The following TRIP11 variants were observed in gnomAD, a reference collection of about 807,000 sequenced individuals.
TRIP11 encodes thyroid hormone receptor interactor 11.
TRIP11 carries 148 observed loss-of-function variants against 223.1 expected under a neutral mutation model. That is an observed-to-expected ratio of 0.66 (90% CI 0.58 to 0.76). The LOEUF (loss-of-function observed/expected upper bound fraction) is 0.76. Ranked by LOEUF, TRIP11 falls within the 30% of genes least tolerant of loss-of-function variation. The pLI is 0.00. For synonymous variants in TRIP11, 762 were observed against 772.6 expected (o/e 0.99, Z 0.23); for missense variants, 2,043 against 2,222.0 (o/e 0.92, Z 1.62).
At chr14:92,025,150 T>C (rs1595406090) in intron 3 of TRIP11, among the ~76,000 whole-genome samples, 160 bp downstream of exon 3, 1 of 152,188 alleles carries the variant, frequency 6.6e-6, no homozygotes, top group East Asian at 1.9e-4. Context: ...ACAAAGTTCT[T>C]ATTAAATAAG....
At position 92,004,265 on chromosome 14, in the gene TRIP11, G is replaced by A. The variant is rs200312566; in HGVS notation, c.3711C>T (p.His1237=). ...QVMTTVQNMQ[H]ESAQLQEELH... ...GCTCTTCCTGAAGCTGGGCTGACTC[G>A]TGTTGCATATTTTGTACTGTGGTCA... The change falls in exon 11 of 21, where the codon CAC becomes CAT. Residue 1237 remains histidine (H), a synonymous_variant. Coordinates refer to ENST00000267622, the MANE Select transcript of TRIP11 (RefSeq NM_004239.4). 6 of 1,614,054 alleles carry A rather than the reference G, an allele frequency of 3.7e-6. No homozygotes were observed. Among genetic ancestry groups the A allele is most frequent in the Non-Finnish European group, 4.2e-6 (5 of 1,180,026 alleles).
chr14:92,004,002 T>A lies in TRIP11; in HGVS notation c.3974A>T (p.Gln1325Leu), dbSNP rs1487572332. Reference protein sequence around the residue: ...QLSSASLLTPQSAECLRASKS... With the variant: ...QLSSASLLTPLSAECLRASKS... Reference sequence around the variant, plus strand: ...ACTTGCTCTAAGACACTCTGCAGACTGGGGAGTAAGCAATGATGCAGAAGA... The same window carrying A: ...ACTTGCTCTAAGACACTCTGCAGACAGGGGAGTAAGCAATGATGCAGAAGA... Residue 1325 changes from glutamine (Q) to leucine (L), a missense_variant, in exon 11 of 21, where the codon CAG becomes CTG. Transcript: ENST00000267622. The A allele has an allele frequency of 1.2e-6, 2 of 1,614,170 alleles. No individual in the cohort carries two copies. The highest frequency in any genetic ancestry group is 1.7e-5 in the Admixed American group (1 of 60,028).
chr14:92,013,721 CT>C (rs2057002040), intron 7 of TRIP11, among the ~76,000 whole-genome samples: 1 of 152,002 alleles, frequency 6.6e-6, no homozygotes, highest in Non-Finnish European at 1.5e-5. Flanking sequence ...AATAAGTAAA[CT>C]TATTTTTTAA....
intron 2 of TRIP11, among the ~76,000 whole-genome samples, chr14:92,029,129 T>G (rs1176740522): frequency 6.6e-6 from 1 of 152,106 alleles, no homozygotes; most frequent in Admixed American, 6.6e-5. Flanking sequence ...GCTCTTTTAC[T>G]ATCATGGGAA....
In TRIP11 at chr14:92,014,632, G is replaced by A. The variant is rs1277895416; in HGVS notation, c.824-55C>T. 6.4e-6 allele frequency: 10 copies of A among 1,553,212 alleles called. No homozygotes were observed. The East Asian group carries it at 1.8e-4, about 28-fold the overall frequency. Reference sequence around the variant, plus strand: ...AAATGTCAAGTACCAAGAAATAAACGGTTTGCTATATACAACTAAGAGATA... The same window carrying A: ...AAATGTCAAGTACCAAGAAATAAACAGTTTGCTATATACAACTAAGAGATA... On this transcript the variant is annotated intron_variant, in intron 6 of 20. Coordinates refer to ENST00000267622, the MANE Select transcript of TRIP11 (RefSeq NM_004239.4).
intron 7 of TRIP11, among the ~76,000 whole-genome samples, chr14:92,012,625 C>T (rs1320194222): frequency 3.3e-5 from 5 of 151,962 alleles, no homozygotes; most frequent in South Asian, 2.1e-4. Flanking sequence ...TACTGAGAGT[C>T]GGCTAAAAGA....
Position 92,034,131 on chromosome 14 carries a change from G to C in TRIP11, c.140-878C>G, listed in dbSNP as rs1442794512. ...TCCTTGAAATGCATGAGGCTAGAAAGGGAGCTGGAGGTCAGGTACGGTGGC... is the reference window on the plus strand; with the variant it reads ...TCCTTGAAATGCATGAGGCTAGAAACGGAGCTGGAGGTCAGGTACGGTGGC... On this transcript the variant is annotated intron_variant, in intron 1 of 20. Coordinates refer to ENST00000267622, the MANE Select transcript of TRIP11 (RefSeq NM_004239.4). Among the ~76,000 whole-genome samples the C allele has an allele frequency of 2.0e-5, 3 of 152,138 alleles. No individual in the cohort carries two copies. In the East Asian group the frequency reaches 5.8e-4, roughly 29 times the overall value.
chr14:92,015,387 A>G (rs1055342531), intron 6 of TRIP11, among the ~76,000 whole-genome samples: 1 of 152,014 alleles, frequency 6.6e-6, no homozygotes, highest in African/African-American at 2.4e-5. Context: ...GGCCAGGTGC[A>G]GTGGCTCATG....
intron 1 of TRIP11, 46 bp downstream of exon 1, chr14:92,039,501 C>T: frequency 6.2e-7 from 1 of 1,607,194 alleles, no homozygotes; most frequent in Non-Finnish European, 8.5e-7. Flanking sequence ...AACGGACGTT[C>T]CCAGGGTCTT....
chr14:91,993,804 C>T lies in TRIP11; in HGVS notation c.5160+5G>A. ...AACCTACAAGAGAAAACTATTTTGT[C>T]CTACCTGTAATGATATCACTTTTCC... On this transcript the variant is annotated splice_donor_5th_base_variant and intron_variant, in intron 15 of 20. Coordinates refer to ENST00000267622, the MANE Select transcript of TRIP11 (RefSeq NM_004239.4). 6.2e-7 allele frequency: 1 copy of T among 1,606,076 alleles called. No homozygotes were observed. The highest frequency in any genetic ancestry group is 2.2e-5 in the East Asian group (1 of 44,738).
intron 7 of TRIP11, 77 bp from the exon 8 acceptor site, chr14:92,011,872 G>T: frequency 7.3e-7 from 1 of 1,374,874 alleles, no homozygotes; most frequent in South Asian, 1.2e-5. Context: ...ACTCAGAAAT[G>T]CAACCCAATT....
chr14:92,004,858 T>C lies in TRIP11; in HGVS notation c.3118A>G (p.Ile1040Val), dbSNP rs34805848. ...LEIKLLNEKN[I>V]SLTKQIDQLS... ...TGATCAATCTGTTTAGTTAAAGATA[T>C]ATTCTTTTCATTTAGAAGTTTAATC... The change falls in exon 11 of 21, where the codon ATA (isoleucine) becomes GTA (valine). Residue 1040 changes from isoleucine to valine, a missense_variant. Physicochemically the swap from Ile to Val is conservative, Grantham distance 29. Transcript: ENST00000267622. 2.1e-3 allele frequency: 3,373 copies of C among 1,613,892 alleles called. 38 individuals are homozygous for C. The African/African-American group carries it at 0.038, about 18-fold the overall frequency.
At chr14:92,008,593 G>A (rs943898420) in intron 9 of TRIP11, among the ~76,000 whole-genome samples, 3 of 152,106 alleles carry the variant, frequency 2.0e-5, no homozygotes, top group Non-Finnish European at 2.9e-5. Flanking sequence ...AGTTCTCTAT[G>A]CTTCAACATT....
chr14:92,007,505 T>G (rs1311267583), intron 10 of TRIP11, 135 bp downstream of exon 10: 19 of 918,950 alleles, frequency 2.1e-5, no homozygotes, highest in Non-Finnish European at 2.6e-5. Flanking sequence ...GCCAATGATA[T>G]TTACTATCTA....
intron 2 of TRIP11, among the ~76,000 whole-genome samples, chr14:92,031,619 C>T (rs2057266223): frequency 6.6e-6 from 1 of 152,080 alleles, no homozygotes; most frequent in African/African-American, 2.4e-5. Context: ...TAATAATAAC[C>T]TGAAATCTAT....
intron 13 of TRIP11, among the ~76,000 whole-genome samples, chr14:91,998,602 G>T (rs1353517868): frequency 6.6e-6 from 1 of 151,388 alleles, no homozygotes; most frequent in East Asian, 1.9e-4. Context: ...AGTATAAAAA[G>T]GCACACAAAA....
rs977623236 is a variant in TRIP11 at position 92,033,335 on chromosome 14, C to T, written c.140-82G>A. The stretch of plus-strand genomic sequence containing the variant: ...TAGGTATTTTCAAGAAAATATATTT[C>T]ACTGAGTTTACACAGAATAGTAGGC... On this transcript the variant is annotated intron_variant, in intron 1 of 20. Transcript: ENST00000267622. The T allele has an allele frequency of 5.4e-6, 6 of 1,119,098 alleles. No individual in the cohort carries two copies. In the African/African-American group the frequency reaches 6.2e-5, roughly 12 times the overall value. 69.3% of individuals were successfully genotyped at this position (1,119,098 alleles called of 1,614,324 possible).
In TRIP11 at chr14:92,004,372, T is replaced by G. The variant is rs41301481; in HGVS notation, c.3604A>C (p.Asn1202His). 3.1e-3 allele frequency: 4,954 copies of G among 1,614,126 alleles called. 15 individuals are homozygous for G. The highest frequency in any genetic ancestry group is 3.7e-3 in the Non-Finnish European group (4,341 of 1,180,022). Residue 1202 changes from asparagine to histidine, a missense_variant, in exon 11 of 21, where the codon AAT (asparagine) becomes CAT (histidine). Coordinates refer to ENST00000267622, the MANE Select transcript of TRIP11 (RefSeq NM_004239.4). ...TGNEAGGVNS[N>H]QFEELLQERD... Reference sequence around the variant, plus strand: ...TCCTGTAGAAGCTCCTCAAATTGATTACTATTAACACCTCCAGCCTCATTA... The same window carrying G: ...TCCTGTAGAAGCTCCTCAAATTGATGACTATTAACACCTCCAGCCTCATTA...
At chr14:92,033,277 G>A (rs1241461820) in intron 1 of TRIP11, 24 bp from the exon 2 acceptor site, 1 of 1,568,686 alleles carries the variant, frequency 6.4e-7, no homozygotes, top group South Asian at 1.1e-5. Flanking sequence ...AACAAATATT[G>A]AATATTTAAT....
Sources: allele counts gnomAD v4.1 joint callset (sites outside exome capture counted in the v4.1 genomes callset), GRCh38; gene constraint gnomAD v4.1.1; transcripts MANE v1.5; gene names NCBI Gene and HGNC (gene_info 2026-07-23, HGNC 2026-07-21).